The following COL4A4 variants were observed in gnomAD, a reference collection of about 807,000 sequenced individuals.
The protein encoded by COL4A4 is collagen alpha-4(IV) chain.
In COL4A4, 105 loss-of-function variants were observed where a neutral mutation model predicts 192.9. The ratio of observed to expected loss-of-function variants is 0.54; its 90% CI spans 0.46 to 0.64. The LOEUF is 0.64. Ranked by LOEUF, COL4A4 falls within the 30% of genes least tolerant of loss-of-function variation. The pLI is 0.00. For synonymous variants in COL4A4, 762 were observed against 769.9 expected (o/e 0.99, Z 0.17); for missense variants, 1,967 against 2,169.3 (o/e 0.91, Z 1.85).
intron 37 of COL4A4, among the ~76,000 whole-genome samples, chr2:227,035,714 A>T (rs1969519892): frequency 6.6e-6 from 1 of 152,170 alleles, no homozygotes; most frequent in Non-Finnish European, 1.5e-5. Flanking sequence ...TATTTATTGC[A>T]ATCTATCTGA....
the COL4A4 span, among the ~76,000 whole-genome samples, chr2:226,989,687 T>C: frequency 6.6e-6 from 1 of 152,338 alleles, no homozygotes; most frequent in South Asian, 2.1e-4. Context: ...CCTGACATAG[T>C]GGACCTGATG....
intron 45 of COL4A4, among the ~76,000 whole-genome samples, chr2:227,011,171 T>C (rs2149753155): frequency 6.6e-6 from 1 of 152,308 alleles, no homozygotes; most frequent in South Asian, 2.1e-4. Flanking sequence ...GCTGAACTAT[T>C]GCAGAAGGCC....
At chr2:227,100,218 A>G (rs1309433472) in intron 17 of COL4A4, among the ~76,000 whole-genome samples, 1 of 152,212 alleles carries the variant, frequency 6.6e-6, no homozygotes, top group Admixed American at 6.5e-5. Context: ...CAGTGGTGTT[A>G]AAAGCAGAAA....
chr2:227,052,249 G>A, intron 32 of COL4A4, 56 bp downstream of exon 32: 1 of 1,048,512 alleles, frequency 9.5e-7, no homozygotes, highest in Non-Finnish European at 1.5e-6. Flanking sequence ...CCTAACAAAT[G>A]TGATCTGTAA....
intron 12 of COL4A4, among the ~76,000 whole-genome samples, chr2:227,104,495 T>C (rs1375090911): frequency 1.3e-5 from 2 of 149,646 alleles, no homozygotes; most frequent in Non-Finnish European, 3.0e-5. Context: ...GGCAGGAGAA[T>C]GGCATGAACC....
chr2:227,136,593 C>G (rs903474877), intron 4 of COL4A4, among the ~76,000 whole-genome samples: 2 of 152,134 alleles, frequency 1.3e-5, no homozygotes, highest in Non-Finnish European at 2.9e-5. Flanking sequence ...CCCCTTGATT[C>G]TCCACCTTAG....
chr2:227,112,720 A>G (rs1301882554), intron 8 of COL4A4, among the ~76,000 whole-genome samples: 1 of 151,720 alleles, frequency 6.6e-6, no homozygotes, highest in Non-Finnish European at 1.5e-5. Context: ...TTAAACACTA[A>G]CTCCCCATCC....
At chr2:227,056,825 T>C (rs1469483227) in intron 29 of COL4A4, among the ~76,000 whole-genome samples, 1 of 152,224 alleles carries the variant, frequency 6.6e-6, no homozygotes, top group Non-Finnish European at 1.5e-5. Flanking sequence ...GTTTGCCCCA[T>C]CTGCCTGTGA....
chr2:227,009,716 AAAGAG>A (rs1308273541), intron 46 of COL4A4, among the ~76,000 whole-genome samples: 9 of 48,248 alleles, frequency 1.9e-4, no homozygotes, highest in South Asian at 1.2e-3. Context: ...AAAAAGAGGA[AAAGAG>A]AAGAGAAGAG....
chr2:227,002,527 C>T (rs775845733), downstream of COL4A4, among the ~76,000 whole-genome samples: 7 of 152,114 alleles, frequency 4.6e-5, no homozygotes, highest in Admixed American at 2.0e-4. Context: ...TTCTCTTCTG[C>T]GCGCCATCAC....
intron 25 of COL4A4, among the ~76,000 whole-genome samples, chr2:227,072,148 C>T (rs564967087): frequency 1.3e-5 from 2 of 151,820 alleles, no homozygotes; most frequent in African/African-American, 4.8e-5. Context: ...AATCAATAGA[C>T]CATTAGCTAG....
chr2:226,979,418 C>T, the COL4A4 span, among the ~76,000 whole-genome samples: 1 of 152,140 alleles, frequency 6.6e-6, no homozygotes. Context: ...AATCCCAGGT[C>T]ACCACCCAGG....
intron 25 of COL4A4, among the ~76,000 whole-genome samples, chr2:227,071,541 G>A (rs2058723335): frequency 6.6e-6 from 1 of 150,674 alleles, no homozygotes; most frequent in Non-Finnish European, 1.5e-5. Flanking sequence ...ACACACTAGA[G>A]CAAATTAACT....
chr2:227,086,054 G>A (rs572922448), intron 22 of COL4A4, among the ~76,000 whole-genome samples: 1 of 152,318 alleles, frequency 6.6e-6, no homozygotes, highest in Non-Finnish European at 1.5e-5. Context: ...GCTCCCAAAT[G>A]TCGGAGATGG....
At chr2:227,022,401 C>T (rs960720274) in intron 43 of COL4A4, 93 of 745,462 alleles carry the variant, frequency 1.2e-4, no homozygotes, top group Middle Eastern at 2.3e-4. Flanking sequence ...TCCAGAATGT[C>T]GGGCTGACCG....
At chr2:227,095,587 C>T (rs901929657) in intron 19 of COL4A4, among the ~76,000 whole-genome samples, 14 of 152,194 alleles carry the variant, frequency 9.2e-5, no homozygotes, top group Admixed American at 7.9e-4. Context: ...TTGCTGCTGT[C>T]TTTGGCTTAA....
chr2:227,036,644 T>C (rs1969735260), intron 37 of COL4A4, among the ~76,000 whole-genome samples: 1 of 152,234 alleles, frequency 6.6e-6, no homozygotes, highest in South Asian at 2.1e-4. Context: ...GTGTAAGATA[T>C]GGTTTCCTAA....
intron 19 of COL4A4, among the ~76,000 whole-genome samples, chr2:227,096,718 G>A (rs934548080): frequency 2.6e-5 from 4 of 152,152 alleles, no homozygotes; most frequent in Admixed American, 6.5e-5. Context: ...AAATGTCCAA[G>A]ATCACACAGC....
chr2:227,032,425 G>C (rs1968634405), intron 38 of COL4A4, 149 bp from the exon 39 acceptor site: 2 of 832,478 alleles, frequency 2.4e-6, no homozygotes, highest in Non-Finnish European at 3.9e-6. Flanking sequence ...CCAAATGTCT[G>C]CACCATTTCT....
Sources: gnomAD v4.1 joint callset for allele counts (sites outside exome capture counted in the v4.1 genomes callset) on GRCh38, gnomAD v4.1.1 for gene constraint, MANE v1.5 for transcripts, NCBI Gene and HGNC (gene_info 2026-07-23, HGNC 2026-07-21) for gene names.